MAPK8IP3: variants seen among roughly 807,000 people sequenced by gnomAD.
MAPK8IP3 encodes the protein mitogen-activated protein kinase 8 interacting protein 3.
MAPK8IP3 carries 49 observed loss-of-function variants against 157.8 expected under a neutral mutation model. That is an observed-to-expected ratio of 0.31 (90% CI 0.25 to 0.39). The LOEUF (loss-of-function observed/expected upper bound fraction) is 0.39. Among genes scored for constraint, MAPK8IP3 ranks in the 10% least tolerant of loss-of-function variants. MAPK8IP3 has a pLI of 1.00. For synonymous variants in MAPK8IP3, 897 were observed against 777.7 expected (o/e 1.15, Z -2.55); for missense variants, 1,478 against 1,889.4 (o/e 0.78, Z 4.04).
chr16:1,768,871 C>G lies in MAPK8IP3; in HGVS notation c.*47C>G. 2 of 1,598,004 alleles carry G rather than the reference C, an allele frequency of 1.3e-6. No individual in the cohort carries two copies. The highest frequency in any genetic ancestry group is 3.5e-4 in the Middle Eastern group (2 of 5,678). The stretch of plus-strand genomic sequence containing the variant: ...GACCTGTACATAGGACCCCCGACCA[C>G]CTGACCCCCGCCCGGCCCGCGGGGT... On this transcript the variant is annotated 3_prime_UTR_variant, in exon 32 of 32. Transcript: ENST00000610761.
Position 1,765,137 on chromosome 16 carries a change from C to T in MAPK8IP3, c.2405C>T (p.Thr802Ile), listed in dbSNP as rs749850486. 3.7e-6 allele frequency: 6 copies of T among 1,611,412 alleles called. No homozygotes were observed. In the East Asian group the frequency reaches 8.9e-5, roughly 24 times the overall value. The change falls in exon 20 of 32, where the codon ACC (threonine) becomes ATC (isoleucine). Residue 802 changes from threonine (T) to isoleucine (I), a missense_variant. Coordinates refer to ENST00000610761, the MANE Select transcript of MAPK8IP3 (RefSeq NM_001318852.2). Reference sequence around the variant, plus strand: ...CCGGGCACGGTGGTGGACCAGTTCACCGTCTGCAACGCGCACGTGCTGTGC... The same window carrying T: ...CCGGGCACGGTGGTGGACCAGTTCATCGTCTGCAACGCGCACGTGCTGTGC... Reference protein sequence around the residue: ...NQPGTVVDQFTVCNAHVLCIS... With the variant: ...NQPGTVVDQFIVCNAHVLCIS...
rs994746941 is a variant in MAPK8IP3 at position 1,743,884 on chromosome 16, C to T, written c.747+408C>T. 8.4e-6 allele frequency: 9 copies of T among 1,065,818 alleles called. No individual in the cohort carries two copies. Among genetic ancestry groups the T allele is most frequent in the African/African-American group, 5.1e-5 (3 of 58,362 alleles). 66.0% of individuals were successfully genotyped at this position (1,065,818 alleles called of 1,614,324 possible). A position where few individuals can be genotyped will look rare whatever the true frequency, so the allele number is the denominator to read the frequency against. The stretch of plus-strand genomic sequence containing the variant: ...CCCCTGAGAGCCACGCCTCTACTCT[C>T]GGAGGAACGTCAGTGTCTAGAGTGT... On this transcript the variant is annotated intron_variant, in intron 5 of 31. Transcript: ENST00000610761. This position sits in a 1 kb window ranked among gnomAD's most constrained non-coding sequence, Gnocchi z 5.6.
chr16:1,743,396 A>T lies in MAPK8IP3; in HGVS notation c.667A>T (p.Ile223Phe). Residue 223 changes from isoleucine (I) to phenylalanine (F), a missense_variant, in exon 5 of 32, where the codon ATC (isoleucine) becomes TTC (phenylalanine). By Grantham distance (21) the Ile-to-Phe change is conservative. Transcript: ENST00000610761. This position sits in a 1 kb window ranked among gnomAD's most constrained non-coding sequence, Gnocchi z 5.6. ...PLADGTVRAQ[I>F]GGKLVPAGDH... ...GGCTGACGGCACGGTACGTGCACAGATCGGGGGCAAGCTCGTGCCTGCGGG... is the reference window on the plus strand; with the variant it reads ...GGCTGACGGCACGGTACGTGCACAGTTCGGGGGCAAGCTCGTGCCTGCGGG... 1 of 1,609,732 alleles carries T rather than the reference A, an allele frequency of 6.2e-7. No homozygotes were observed. The highest frequency in any genetic ancestry group is 1.3e-5 in the African/African-American group (1 of 74,790).
At chr16:1,712,914 C>T (rs965446869) in intron 1 of MAPK8IP3, among the ~76,000 whole-genome samples, 5 of 152,238 alleles carry the variant, frequency 3.3e-5, no homozygotes, top group East Asian at 1.9e-4. Flanking sequence ...TCCCGGCTTC[C>T]GCAAGTTAAG....
chr16:1,735,948 GTGTGACCGCCCATGTGAGCATC>G (rs2141777049), intron 4 of MAPK8IP3, among the ~76,000 whole-genome samples: 1 of 142,884 alleles, frequency 7.0e-6, no homozygotes, highest in African/African-American at 2.6e-5. Context: ...GTCTGTGTGA[GTGTGACCGCCCATGTGAGCATC>G]CGTGTGACCG....
At chr16:1,754,776 A>G (rs2041500993) in intron 8 of MAPK8IP3, among the ~76,000 whole-genome samples, 1 of 151,632 alleles carries the variant, frequency 6.6e-6, no homozygotes, top group East Asian at 1.9e-4. Flanking sequence ...AAAAAAAAGA[A>G]GAAGAAAATA....
rs761088423 is a variant in MAPK8IP3, at chr16:1,766,210, C to T, written c.2630-10C>T. The T allele has an allele frequency of 2.5e-6, 4 of 1,608,420 alleles. No individual in the cohort carries two copies. The highest frequency in any genetic ancestry group is 1.1e-5 in the South Asian group (1 of 90,976). On this transcript the variant is annotated splice_polypyrimidine_tract_variant and intron_variant, in intron 21 of 31. Transcript: ENST00000610761. Reference sequence around the variant, plus strand: ...TTCTGCCCAGCCCAAGCTCACCTCTCCTAACACAGGGGAGGTGGCCACCAT... The same window carrying T: ...TTCTGCCCAGCCCAAGCTCACCTCTTCTAACACAGGGGAGGTGGCCACCAT...
At chr16:1,746,832 G>T in intron 5 of MAPK8IP3, 197 bp from the exon 6 acceptor site, 1 of 629,778 alleles carries the variant, frequency 1.6e-6, no homozygotes, top group Non-Finnish European at 2.7e-6. Flanking sequence ...GTCAGTGGCC[G>T]GATAAGCAGA....
chr16:1,718,552 G>A (rs2038308332), intron 1 of MAPK8IP3, among the ~76,000 whole-genome samples: 1 of 151,662 alleles, frequency 6.6e-6, no homozygotes, highest in African/African-American at 2.4e-5. Flanking sequence ...CCAGCACTTT[G>A]GGAACCCAAG....
chr16:1,711,840 T>C (rs1391875584), intron 1 of MAPK8IP3, among the ~76,000 whole-genome samples: 1 of 149,326 alleles, frequency 6.7e-6, no homozygotes, highest in Non-Finnish European at 1.5e-5. Context: ...CTTGGAAGGC[T>C]GAAGCAGGAG....
rs368542818 is a variant in MAPK8IP3, at chr16:1,743,493, G to A, written c.747+17G>A. The A allele has an allele frequency of 6.0e-5, 97 of 1,605,868 alleles. No individual in the cohort carries two copies. Among genetic ancestry groups the A allele is most frequent in the East Asian group, 1.8e-4 (8 of 44,480 alleles). On this transcript the variant is annotated intron_variant, in intron 5 of 31. Coordinates refer to ENST00000610761, the MANE Select transcript of MAPK8IP3 (RefSeq NM_001318852.2). This position sits in a 1 kb window ranked among gnomAD's most constrained non-coding sequence, Gnocchi z 5.6. ...AGCTACCAGGTTTTGTAGCCGTGCC[G>A]TGGAGTGAGAGGCTCCTCCCTGTTG...
At chr16:1,738,028 A>G (rs866976544) in intron 4 of MAPK8IP3, among the ~76,000 whole-genome samples, 43 of 46,452 alleles carry the variant, frequency 9.3e-4, no homozygotes, top group East Asian at 2.0e-3. Flanking sequence ...CCGTGTGAGC[A>G]TCCGTGTGAG....
In MAPK8IP3 at chr16:1,751,064, G is replaced by A. The variant is rs977481160; in HGVS notation, c.1216+2344G>A. Among the ~76,000 whole-genome samples, 3 of 152,184 alleles carry A rather than the reference G, an allele frequency of 2.0e-5. No individual in the cohort carries two copies. The highest frequency in any genetic ancestry group is 4.8e-5 in the African/African-American group (2 of 41,448). On this transcript the variant is annotated intron_variant, in intron 8 of 31. Coordinates refer to ENST00000610761, the MANE Select transcript of MAPK8IP3 (RefSeq NM_001318852.2). The surrounding 1 kb of genome is among the most constrained non-coding windows in gnomAD (Gnocchi z 5.0). Reference sequence around the variant, plus strand: ...CGCAGCTGCCCTTCTCATTGTGGGCGGTGTCATTTCCGTGGGTGGCAGCAC... The same window carrying A: ...CGCAGCTGCCCTTCTCATTGTGGGCAGTGTCATTTCCGTGGGTGGCAGCAC...
intron 15 of MAPK8IP3, 30 bp from the exon 16 acceptor site, chr16:1,762,806 C>T: frequency 6.2e-7 from 1 of 1,607,014 alleles, no homozygotes; most frequent in Non-Finnish European, 8.5e-7. Context: ...GGTCCTCTGC[C>T]CACCCCTCAC....
At chr16:1,760,656 G>C in intron 12 of MAPK8IP3, 124 bp downstream of exon 12, 6 of 1,240,068 alleles carry the variant, frequency 4.8e-6, no homozygotes, top group Non-Finnish European at 6.5e-6. Flanking sequence ...CCTACCTCCA[G>C]CTCCAGCTCA....
chr16:1,717,882 C>T (rs969967928), intron 1 of MAPK8IP3, among the ~76,000 whole-genome samples: 4 of 151,154 alleles, frequency 2.6e-5, no homozygotes, highest in Non-Finnish European at 4.4e-5. Context: ...GATGGAGTCT[C>T]GCTCTATCGC....
intron 3 of MAPK8IP3, 71 bp from the exon 4 acceptor site, chr16:1,729,416 G>A (rs2039134269): frequency 6.9e-7 from 1 of 1,455,680 alleles, no homozygotes; most frequent in African/African-American, 1.4e-5. Flanking sequence ...AGCCGGAAAA[G>A]CCTCACAGGT....
At chr16:1,707,611 C>T (rs570306701) in intron 1 of MAPK8IP3, 31 of 152,320 alleles carry the variant, frequency 2.0e-4, no homozygotes, top group African/African-American at 7.2e-4. Flanking sequence ...TGTGTGTGGG[C>T]CCAGAACCTC....
intron 1 of MAPK8IP3, chr16:1,707,294 C>T (rs2037465070): frequency 6.6e-6 from 1 of 152,274 alleles, no homozygotes; most frequent in South Asian, 2.1e-4. Context: ...TTGATGTAAA[C>T]ACAGAACAAG....
Sources: gnomAD v4.1 joint callset for allele counts (sites outside exome capture counted in the v4.1 genomes callset) on GRCh38, gnomAD v4.1.1 for gene constraint, Gnocchi (gnomAD v3.1) non-coding constraint, MANE v1.5 for transcripts, NCBI Gene and HGNC (gene_info 2026-07-23, HGNC 2026-07-21) for gene names.